TAF4B: variants seen among roughly 807,000 people sequenced by gnomAD.
The protein encoded by TAF4B is TATA-box binding protein associated factor 4b, also known as transcription initiation factor TFIID subunit 4B.
In TAF4B, 38 loss-of-function variants were observed where a neutral mutation model predicts 86.4. The ratio of observed to expected loss-of-function variants is 0.44; its 90% CI spans 0.34 to 0.58. The LOEUF (loss-of-function observed/expected upper bound fraction) is 0.58. Among genes scored for constraint, TAF4B ranks in the 20% least tolerant of loss-of-function variants. TAF4B has a pLI of 0.02. For synonymous variants in TAF4B, 388 were observed against 391.2 expected, an observed-to-expected ratio of 0.99 and a Z score of 0.10; for missense variants, 988 against 1,027.6, an observed-to-expected ratio of 0.96 and a Z score of 0.53.
At chr18:26,309,017 C>T (rs953328028) in intron 9 of TAF4B, among the ~76,000 whole-genome samples, 3 of 151,836 alleles carry the variant, frequency 2.0e-5, no homozygotes, top group African/African-American at 7.3e-5. Context: ...CAGAGTTACC[C>T]AGGGAATTTG....
At chr18:26,379,734 T>A (rs2057465552) in intron 14 of TAF4B, among the ~76,000 whole-genome samples, 1 of 152,112 alleles carries the variant, frequency 6.6e-6, no homozygotes, top group African/African-American at 2.4e-5. Flanking sequence ...AATGTCTAGG[T>A]ATTCTTTATT....
In TAF4B at chr18:26,326,028, G is replaced by A. The variant is rs140062285; in HGVS notation, c.2134-987G>A. On this transcript the variant is annotated intron_variant, in intron 11 of 14. Coordinates refer to ENST00000269142, the MANE Select transcript of TAF4B (RefSeq NM_005640.3). ...AAGATGGGAGTGGTACAGTACTCAT[G>A]ATTTCCAGGCCAGGCACTGACTGTT... Among the ~76,000 whole-genome samples the A allele has an allele frequency of 8.0e-3, 1,213 of 152,306 alleles. 9 individuals are homozygous for A. The highest frequency in any genetic ancestry group is 0.013 in the Non-Finnish European group (864 of 68,026).
In TAF4B at chr18:26,357,712, A is replaced by G. The variant is rs1409566610; in HGVS notation, c.2339A>G (p.Gln780Arg). Residue 780 changes from glutamine (Q) to arginine (R), a missense_variant, in exon 14 of 15, where the codon CAG (glutamine) becomes CGG (arginine). Transcript: ENST00000269142. ...AKELQQLELA[Q>R]IQHRDANLTA... ...TAGTTACAGCAATTGGAACTTGCACAGATACAGCATAGAGACGCTAATCTC... is the reference window on the plus strand; with the variant it reads ...TAGTTACAGCAATTGGAACTTGCACGGATACAGCATAGAGACGCTAATCTC... 1 of 1,611,346 alleles carries G rather than the reference A, an allele frequency of 6.2e-7. No homozygotes were observed. Among genetic ancestry groups the G allele is most frequent in the Non-Finnish European group, 8.5e-7 (1 of 1,178,692 alleles).
chr18:26,346,493 T>C (rs1175976633), intron 13 of TAF4B, among the ~76,000 whole-genome samples: 1 of 151,714 alleles, frequency 6.6e-6, no homozygotes. Flanking sequence ...ACATCCAGGT[T>C]CAGGAAGCTG....
chr18:26,295,428 C>T (rs2056650780), intron 9 of TAF4B: 1 of 172,316 alleles, frequency 5.8e-6, no homozygotes, highest in Non-Finnish European at 1.2e-5. Context: ...GTTTCCACTT[C>T]AGATAATCAG....
chr18:26,243,713 G>T (rs1042480739), intron 1 of TAF4B, among the ~76,000 whole-genome samples: 1 of 152,156 alleles, frequency 6.6e-6, no homozygotes, highest in East Asian at 1.9e-4. Flanking sequence ...TTCCATCTTT[G>T]TGGTTTTGTC....
chr18:26,326,119 A>G lies in TAF4B; in HGVS notation c.2134-896A>G, dbSNP rs967533343. Among the ~76,000 whole-genome samples, 25 of 152,322 alleles carry G rather than the reference A, an allele frequency of 1.6e-4. No homozygotes were observed. The East Asian group carries it at 3.9e-3, about 24-fold the overall frequency. On this transcript the variant is annotated intron_variant, in intron 11 of 14. Coordinates refer to ENST00000269142, the MANE Select transcript of TAF4B (RefSeq NM_005640.3). ...GAATATCCGAATTACTGAGATGAAT[A>G]GATGGCAAGATGTCTTAAACATTGA...
At chr18:26,367,709 C>G (rs2057381028) in intron 14 of TAF4B, among the ~76,000 whole-genome samples, 1 of 152,186 alleles carries the variant, frequency 6.6e-6, no homozygotes, top group East Asian at 1.9e-4. Flanking sequence ...TTTTCCCATA[C>G]TGTTACATAT....
intron 1 of TAF4B, among the ~76,000 whole-genome samples, chr18:26,255,222 A>G (rs1342337436): frequency 2.0e-5 from 3 of 152,166 alleles, no homozygotes; most frequent in Non-Finnish European, 4.4e-5. Flanking sequence ...TTACAGCAGC[A>G]TTAAGCTTTC....
At chr18:26,309,228 G>A (rs2056828007) in intron 9 of TAF4B, among the ~76,000 whole-genome samples, 2 of 141,766 alleles carry the variant, frequency 1.4e-5, no homozygotes, top group African/African-American at 5.2e-5. Context: ...GTCACTTTAG[G>A]GAAAAAACCT....
At chr18:26,233,149 TTTG>T (rs1379062169) in intron 1 of TAF4B, among the ~76,000 whole-genome samples, 1 of 152,112 alleles carries the variant, frequency 6.6e-6, no homozygotes, top group Admixed American at 6.6e-5. Flanking sequence ...GGTGTGTGAA[TTTG>T]TTGTTTTCAT....
chr18:26,313,835 T>C (rs2056875720), intron 9 of TAF4B, among the ~76,000 whole-genome samples: 2 of 152,114 alleles, frequency 1.3e-5, no homozygotes, highest in Admixed American at 1.3e-4. Context: ...CTGGCTAATT[T>C]TTTTTTGTTT....
chr18:26,270,132 A>G (rs2056294658), intron 3 of TAF4B, among the ~76,000 whole-genome samples: 1 of 152,230 alleles, frequency 6.6e-6, no homozygotes, highest in Non-Finnish European at 1.5e-5. Context: ...ATGATCTTAG[A>G]TACTTAAGAC....
intron 9 of TAF4B, among the ~76,000 whole-genome samples, chr18:26,294,813 G>A (rs1045918841): frequency 6.0e-5 from 9 of 150,074 alleles, no homozygotes; most frequent in African/African-American, 1.7e-4. Flanking sequence ...AAAGGATGAC[G>A]ATTAAGAAAA....
chr18:26,274,555 C>A, intron 3 of TAF4B, 108 bp from the exon 4 acceptor site: 1 of 1,245,958 alleles, frequency 8.0e-7, no homozygotes, highest in Non-Finnish European at 1.1e-6. Context: ...TAGAGCATAA[C>A]ATAAAACCAC....
intron 1 of TAF4B, among the ~76,000 whole-genome samples, chr18:26,259,388 ACT>A: frequency 6.6e-6 from 1 of 151,250 alleles, no homozygotes; most frequent in Non-Finnish European, 1.5e-5. Flanking sequence ...GCACCCATTA[ACT>A]CATCATTTAC....
chr18:26,350,882 A>T (rs550962173), intron 13 of TAF4B, among the ~76,000 whole-genome samples: 13 of 152,350 alleles, frequency 8.5e-5, no homozygotes, highest in South Asian at 6.2e-4. Flanking sequence ...GAGTAATGTT[A>T]TCGAGGATTC....
intron 10 of TAF4B, among the ~76,000 whole-genome samples, chr18:26,316,756 G>T (rs989442752): frequency 1.1e-4 from 16 of 152,154 alleles, no homozygotes; most frequent in Non-Finnish European, 7.4e-5. Flanking sequence ...AGAGCTGATT[G>T]TAAAATGTGT....
intron 14 of TAF4B, among the ~76,000 whole-genome samples, chr18:26,359,981 G>A (rs2057317969): frequency 6.6e-6 from 1 of 151,886 alleles, no homozygotes; most frequent in East Asian, 1.9e-4. Flanking sequence ...GCCTCCCAAA[G>A]TGCTAGGATT....
Sources: allele counts gnomAD v4.1 joint callset (sites outside exome capture counted in the v4.1 genomes callset), GRCh38; gene constraint gnomAD v4.1.1; transcripts MANE v1.5; gene names NCBI Gene and HGNC (gene_info 2026-07-23, HGNC 2026-07-21).